IL1RAPL1: variants seen among roughly 807,000 people sequenced by gnomAD.
The protein encoded by IL1RAPL1 is interleukin-1 receptor accessory protein-like 1.
IL1RAPL1 carries 3 observed loss-of-function variants against 48.4 expected under a neutral mutation model. The observed-to-expected ratio is 0.06, with a 90% CI of 0.03 to 0.16. The LOEUF is 0.16. Ranked by LOEUF, IL1RAPL1 falls within the 10% of genes least tolerant of loss-of-function variation. The pLI, the probability that IL1RAPL1 is intolerant of heterozygous loss-of-function variation, is 1.00. For synonymous variants in IL1RAPL1, 185 were observed against 187.7 expected, an observed-to-expected ratio of 0.99 and a Z score of 0.12; for missense variants, 349 against 530.6, an observed-to-expected ratio of 0.66 and a Z score of 3.36.
intron 2 of IL1RAPL1, among the ~76,000 whole-genome samples, chrX:29,015,676 A>G (rs1926225763): frequency 9.0e-6 from 1 of 111,181 alleles, no homozygotes; most frequent in African/African-American, 3.3e-5. Context: ...AAAGGACAAG[A>G]AATATTTTAT....
chrX:29,248,347 G>T (rs1402379564), intron 2 of IL1RAPL1, among the ~76,000 whole-genome samples: 1 of 111,465 alleles, frequency 9.0e-6, no homozygotes, highest in Non-Finnish European at 1.9e-5. Flanking sequence ...AACGTGGGAG[G>T]CGGAGGCAGA....
At chrX:29,258,998 A>C (rs767951849) in intron 2 of IL1RAPL1, among the ~76,000 whole-genome samples, 12 of 111,053 alleles carry the variant, frequency 1.1e-4, no homozygotes, top group Non-Finnish European at 2.1e-4. Flanking sequence ...TCCCCTCCCC[A>C]ACTCTAACCT....
intron 6 of IL1RAPL1, among the ~76,000 whole-genome samples, chrX:29,790,200 C>T (rs367824045): frequency 1.1e-3 from 124 of 111,745 alleles, no homozygotes; most frequent in African/African-American, 3.8e-3. Flanking sequence ...TTGGAAACAT[C>T]ACCACTAGGA....
chrX:29,526,636 ATTAG>A (rs1935555931), intron 5 of IL1RAPL1, among the ~76,000 whole-genome samples: 2 of 112,175 alleles, frequency 1.8e-5, no homozygotes, highest in African/African-American at 6.5e-5. Flanking sequence ...ATAGTTGGAG[ATTAG>A]TTAGAATAAA....
chrX:29,393,343 G>T (rs1019946107), intron 3 of IL1RAPL1, among the ~76,000 whole-genome samples: 2 of 111,748 alleles, frequency 1.8e-5, no homozygotes, highest in African/African-American at 3.2e-5. Flanking sequence ...GGATGGTCTC[G>T]ATCTCCTGAC....
chrX:29,435,466 A>G (rs975843211), intron 5 of IL1RAPL1, among the ~76,000 whole-genome samples: 11 of 110,934 alleles, frequency 9.9e-5, no homozygotes, highest in Non-Finnish European at 2.1e-4. Context: ...CCACATTCTT[A>G]TCAGCACTTC....
intron 8 of IL1RAPL1, among the ~76,000 whole-genome samples, chrX:29,925,130 G>A (rs1042869813): frequency 2.7e-5 from 3 of 110,992 alleles, no homozygotes; most frequent in Non-Finnish European, 5.7e-5. Context: ...TTTGACCATT[G>A]ATTTCAGAAT....
chrX:29,558,923 G>GT (rs893919729), intron 5 of IL1RAPL1, among the ~76,000 whole-genome samples: 37 of 111,325 alleles, frequency 3.3e-4, no homozygotes, highest in African/African-American at 1.1e-3. Context: ...ATACTGTTTT[G>GT]TTTACTATAG....
At chrX:29,555,602 A>G (rs6526880) in intron 5 of IL1RAPL1, among the ~76,000 whole-genome samples, 3 of 110,546 alleles carry the variant, frequency 2.7e-5, no homozygotes, top group Admixed American at 9.6e-5. Flanking sequence ...TAGCCCTTAT[A>G]ACACTGAAAC....
At chrX:28,737,186 C>CT (rs1569161874) in intron 1 of IL1RAPL1, among the ~76,000 whole-genome samples, 70 of 52,375 alleles carry the variant, frequency 1.3e-3, no homozygotes, top group East Asian at 2.3e-3. Context: ...TCCTTTCTTT[C>CT]CTTTCTCTTT....
chrX:28,830,715 T>C (rs912113216), intron 2 of IL1RAPL1, among the ~76,000 whole-genome samples: 4 of 110,936 alleles, frequency 3.6e-5, no homozygotes, highest in African/African-American at 9.9e-5. Flanking sequence ...CTATTTTGTG[T>C]GTATGTGTCT....
At chrX:29,762,266 T>C (rs1278897241) in intron 6 of IL1RAPL1, among the ~76,000 whole-genome samples, 1 of 111,928 alleles carries the variant, frequency 8.9e-6, no homozygotes, top group African/African-American at 3.2e-5. Flanking sequence ...ACCCTGCTCC[T>C]TAAGCAAACA....
chrX:29,818,533 G>A lies in IL1RAPL1; in HGVS notation c.779-98931G>A, dbSNP rs184945208. On this transcript the variant is annotated intron_variant, in intron 6 of 10. Transcript: ENST00000378993. ...ATGAGATTTAGGAAAAATTTATCAG[G>A]CTGCATTTGCTGAATAAATGTCAAA... is the stretch of plus-strand genomic sequence containing the variant. 7.1e-5 allele frequency among the ~76,000 whole-genome samples: 8 copies of A among 112,044 alleles called. No individual in the cohort carries two copies. The Admixed American group carries it at 7.6e-4, about 11-fold the overall frequency.
intron 5 of IL1RAPL1, among the ~76,000 whole-genome samples, chrX:29,568,200 C>G (rs1392517625): frequency 1.7e-5 from 1 of 58,416 alleles, no homozygotes; most frequent in Admixed American, 2.1e-4. Context: ...TCAAGAATAA[C>G]AGATTATTCT....
chrX:28,640,537 G>C (rs766082960), intron 1 of IL1RAPL1, among the ~76,000 whole-genome samples: 6 of 108,558 alleles, frequency 5.5e-5, no homozygotes, highest in Non-Finnish European at 9.5e-5. Flanking sequence ...TTTTAGTAGA[G>C]ATGAGGTGTC....
intron 1 of IL1RAPL1, among the ~76,000 whole-genome samples, chrX:28,714,341 A>G (rs1330517039): frequency 9.0e-6 from 1 of 111,590 alleles, no homozygotes; most frequent in African/African-American, 3.3e-5. Context: ...TTGATTATTT[A>G]TTTGTGAATC....
chrX:28,935,317 G>A (rs747504572), intron 2 of IL1RAPL1, among the ~76,000 whole-genome samples: 4 of 110,945 alleles, frequency 3.6e-5, no homozygotes, highest in Non-Finnish European at 7.6e-5. Flanking sequence ...CAGAGTTCCA[G>A]CCTCCTTCCT....
chrX:29,007,680 G>A (rs1382784670), intron 2 of IL1RAPL1, among the ~76,000 whole-genome samples: 2 of 111,718 alleles, frequency 1.8e-5, no homozygotes, highest in Non-Finnish European at 3.8e-5. Flanking sequence ...ATTTTAAAAT[G>A]GAGGGGACAT....
rs779065121 is a variant in IL1RAPL1 at position 29,172,371 on chromosome X, CAT to C, written c.83-110565_83-110564del. Among the ~76,000 whole-genome samples the C allele has an allele frequency of 5.4e-5, 6 of 111,698 alleles. No individual in the cohort carries two copies. The East Asian group carries it at 1.4e-3, about 26-fold the overall frequency. ...GCAAATTTCTGGTCCCTGTTCAAGA[CAT>C]AGTGAATCAGAAACTCAGGAGTTGG... On this transcript the variant is annotated intron_variant, in intron 2 of 10. Transcript: ENST00000378993.
Sources: allele counts gnomAD v4.1 joint callset (sites outside exome capture counted in the v4.1 genomes callset), GRCh38; gene constraint gnomAD v4.1.1; transcripts MANE v1.5; gene names NCBI Gene and HGNC (gene_info 2026-07-23, HGNC 2026-07-21).